Variants in NAALADL2 observed in about 807,000 individuals in gnomAD.
The protein encoded by NAALADL2 is N-acetylated alpha-linked acidic dipeptidase like 2, also known as inactive N-acetylated-alpha-linked acidic dipeptidase-like protein 2.
Under a neutral mutation model 87.2 loss-of-function variants are expected in NAALADL2, and 76 were observed. That is an observed-to-expected ratio of 0.87 (90% CI 0.72 to 1.05). NAALADL2 has a LOEUF of 1.05. Ranked by LOEUF, NAALADL2 falls within the 50% of genes least tolerant of loss-of-function variation. NAALADL2 has a pLI of 0.00. For missense variants in NAALADL2, 1,089 were observed against 945.8 expected, an observed-to-expected ratio of 1.15 and a Z score of -1.99; for synonymous variants, 354 against 331.0, an observed-to-expected ratio of 1.07 and a Z score of -0.75.
rs1437732262 is a variant in NAALADL2 at position 175,568,667 on chromosome 3, T to TA, written c.1654-7372dup. On this transcript the variant is annotated intron_variant, in intron 9 of 13. Coordinates refer to ENST00000454872, the MANE Select transcript of NAALADL2 (RefSeq NM_207015.3). ...GCTGTGGGCTATTTTGGCAAGCTGC[T>TA]AAGCCCTATATAGACCCAGTCTCAA... is the stretch of plus-strand genomic sequence containing the variant. 2.6e-5 allele frequency among the ~76,000 whole-genome samples: 4 copies of TA among 152,236 alleles called. No individual in the cohort carries two copies. In the South Asian group the frequency reaches 8.3e-4, roughly 32 times the overall value.
intron 2 of NAALADL2, among the ~76,000 whole-genome samples, chr3:174,586,586 A>G (rs957289756): frequency 2.6e-5 from 4 of 152,182 alleles, no homozygotes; most frequent in Non-Finnish European, 5.9e-5. Flanking sequence ...TTTATGTAGC[A>G]CTTTCACTTA....
chr3:175,117,818 A>G (rs1400738666), intron 2 of NAALADL2, among the ~76,000 whole-genome samples: 3 of 152,144 alleles, frequency 2.0e-5, no homozygotes, highest in African/African-American at 7.2e-5. Flanking sequence ...GTGCACACGT[A>G]TGTTTATGGT....
intron 2 of NAALADL2, among the ~76,000 whole-genome samples, chr3:175,106,749 G>A (rs4894477): frequency 0.45 from 67,779 of 151,762 alleles, 15,185 homozygotes; most frequent in East Asian, 0.54. Context: ...AGTGGCAGAC[G>A]TGGTCCTTTG....
chr3:174,692,439 A>G (rs1728663531), intron 2 of NAALADL2, among the ~76,000 whole-genome samples: 1 of 152,162 alleles, frequency 6.6e-6, no homozygotes, highest in African/African-American at 2.4e-5. Context: ...AAAAATAAAT[A>G]TTTCCATTTT....
intron 5 of NAALADL2, among the ~76,000 whole-genome samples, chr3:175,348,728 C>T (rs1763420117): frequency 1.3e-5 from 2 of 152,144 alleles, no homozygotes; most frequent in East Asian, 1.9e-4. Flanking sequence ...TTTAGGGCCA[C>T]CCTAATCTGT....
intron 2 of NAALADL2, among the ~76,000 whole-genome samples, chr3:175,150,445 A>G (rs1440635078): frequency 6.6e-6 from 1 of 152,172 alleles, no homozygotes; most frequent in East Asian, 1.9e-4. Context: ...TATTATTAAA[A>G]AAGATATGAC....
intron 5 of NAALADL2, among the ~76,000 whole-genome samples, chr3:175,386,514 T>C (rs1768396431): frequency 6.6e-6 from 1 of 151,804 alleles, no homozygotes; most frequent in African/African-American, 2.4e-5. Flanking sequence ...TTTTCCCCTC[T>C]CCCTCTCTAT....
rs577758183 is a variant in NAALADL2, at chr3:175,616,847, C to T, written c.1801-10444C>T. On this transcript the variant is annotated intron_variant, in intron 10 of 13. Transcript: ENST00000454872. ...CCCATGGCTTCTAGCCCTTTCGTAG[C>T]TTCTGCTTTTAAGGGATATTGTCTT... 1.9e-4 allele frequency among the ~76,000 whole-genome samples: 29 copies of T among 152,252 alleles called. No homozygotes were observed. The East Asian group carries it at 5.4e-3, about 28-fold the overall frequency.
intron 11 of NAALADL2, among the ~76,000 whole-genome samples, chr3:175,682,451 G>C (rs1735721670): frequency 6.6e-6 from 1 of 151,866 alleles, no homozygotes; most frequent in Non-Finnish European, 1.5e-5. Flanking sequence ...TAGCACTGAG[G>C]AATAATCCAC....
chr3:175,195,447 A>T (rs566080006), intron 2 of NAALADL2, among the ~76,000 whole-genome samples: 1 of 151,976 alleles, frequency 6.6e-6, no homozygotes, highest in South Asian at 2.1e-4. Context: ...GTGCTGAATA[A>T]ATGTTTATAT....
At chr3:174,670,959 T>A (rs1726473235) in intron 2 of NAALADL2, among the ~76,000 whole-genome samples, 1 of 152,040 alleles carries the variant, frequency 6.6e-6, no homozygotes, top group Admixed American at 6.6e-5. Context: ...TCCTGAGATC[T>A]GGTGGTTTAA....
chr3:174,503,617 T>C (rs1177930736), intron 1 of NAALADL2, among the ~76,000 whole-genome samples: 1 of 152,104 alleles, frequency 6.6e-6, no homozygotes. Flanking sequence ...AATAGCTCAT[T>C]GAGATTTGTG....
intron 3 of NAALADL2, among the ~76,000 whole-genome samples, chr3:174,782,980 C>G (rs1174150720): frequency 6.6e-6 from 1 of 152,068 alleles, no homozygotes; most frequent in Non-Finnish European, 1.5e-5. Flanking sequence ...AATGCATTCT[C>G]TCATATTTAA....
At chr3:174,637,395 A>G (rs1471975431) in intron 2 of NAALADL2, among the ~76,000 whole-genome samples, 1 of 152,102 alleles carries the variant, frequency 6.6e-6, no homozygotes, top group Non-Finnish European at 1.5e-5. Flanking sequence ...TCCTCAATGA[A>G]TACTTATGCA....
chr3:175,519,621 C>T (rs1285820272), intron 9 of NAALADL2, among the ~76,000 whole-genome samples: 2 of 152,086 alleles, frequency 1.3e-5, no homozygotes, highest in Non-Finnish European at 2.9e-5. Flanking sequence ...GGTAAATGAT[C>T]TGACTTGTAC....
chr3:175,262,479 C>T (rs1751209761), intron 4 of NAALADL2, among the ~76,000 whole-genome samples: 1 of 151,704 alleles, frequency 6.6e-6, no homozygotes. Context: ...TCTGTAGATG[C>T]ATTTAATTAG....
At chr3:174,718,942 A>G (rs1731455354) in intron 2 of NAALADL2, among the ~76,000 whole-genome samples, 1 of 152,154 alleles carries the variant, frequency 6.6e-6, no homozygotes, top group Non-Finnish European at 1.5e-5. Context: ...TTTTTTCCTT[A>G]TCCTTTAAAA....
At chr3:175,493,737 GT>G (rs1292499305) in intron 9 of NAALADL2, among the ~76,000 whole-genome samples, 2 of 152,066 alleles carry the variant, frequency 1.3e-5, no homozygotes, top group Non-Finnish European at 1.5e-5. Flanking sequence ...AAATGCAACT[GT>G]TTTTTCAATC....
At chr3:175,210,680 C>T (rs1307337816) in intron 2 of NAALADL2, among the ~76,000 whole-genome samples, 2 of 151,506 alleles carry the variant, frequency 1.3e-5, no homozygotes, top group Admixed American at 6.6e-5. Context: ...GGTTTAAAAA[C>T]TTCCCTCAAA....
Sources: gnomAD v4.1 joint callset for allele counts (sites outside exome capture counted in the v4.1 genomes callset) on GRCh38, gnomAD v4.1.1 for gene constraint, MANE v1.5 for transcripts, NCBI Gene and HGNC (gene_info 2026-07-23, HGNC 2026-07-21) for gene names.